The following SORCS1 variants were observed in gnomAD, a reference collection of about 807,000 sequenced individuals.
SORCS1 encodes the protein sortilin related VPS10 domain containing receptor 1, also known as VPS10 domain-containing receptor SorCS1.
A neutral mutation model predicts 146.1 loss-of-function variants in SORCS1; 60 were observed. That is an observed-to-expected ratio of 0.41 (90% CI 0.33 to 0.51). The LOEUF (loss-of-function observed/expected upper bound fraction) is 0.51, where lower values mean the gene tolerates loss of function less well. Ranked by LOEUF, SORCS1 falls within the 20% of genes least tolerant of loss-of-function variation. The pLI is 0.21. For synonymous variants in SORCS1, 637 were observed against 584.0 expected (o/e 1.09, Z -1.31); for missense variants, 1,352 against 1,487.6 (o/e 0.91, Z 1.50).
chr10:106,784,279 C>T (rs975987688), intron 3 of SORCS1, among the ~76,000 whole-genome samples: 1 of 151,772 alleles, frequency 6.6e-6, no homozygotes, highest in Non-Finnish European at 1.5e-5. Flanking sequence ...CCTGTAGTCT[C>T]AGCTACTCAG....
intron 2 of SORCS1, among the ~76,000 whole-genome samples, chr10:106,896,243 A>C (rs987307936): frequency 6.6e-6 from 1 of 152,050 alleles, no homozygotes; most frequent in Non-Finnish European, 1.5e-5. Context: ...AGCCTGACCA[A>C]CATGGTGAAA....
chr10:106,794,205 A>G (rs1589891608), intron 3 of SORCS1, among the ~76,000 whole-genome samples: 1 of 152,166 alleles, frequency 6.6e-6, no homozygotes, highest in African/African-American at 2.4e-5. Flanking sequence ...GCCATACTCT[A>G]CAACAACTCT....
upstream of SORCS1, among the ~76,000 whole-genome samples, chr10:107,164,724 A>T (rs1969985141): frequency 6.8e-6 from 1 of 146,626 alleles, no homozygotes; most frequent in Admixed American, 6.7e-5. The surrounding 1 kb of genome is among the most constrained non-coding windows in gnomAD (Gnocchi z 6.8). Context: ...GCGGGTCCGG[A>T]CGGAGCGAGC....
intron 2 of SORCS1, among the ~76,000 whole-genome samples, chr10:106,834,992 G>T (rs2152677): frequency 6.6e-6 from 1 of 151,996 alleles, no homozygotes; most frequent in Non-Finnish European, 1.5e-5. Context: ...CTTACACTAC[G>T]TTTTTACAAA....
chr10:106,911,548 T>C (rs1451041140), intron 2 of SORCS1, among the ~76,000 whole-genome samples: 1 of 152,112 alleles, frequency 6.6e-6, no homozygotes, highest in Non-Finnish European at 1.5e-5. Flanking sequence ...GAACTCAGTA[T>C]TGGGCAGCGT....
In SORCS1 at chr10:106,968,670, G is replaced by C. The variant is rs529890951; in HGVS notation, c.559-12090C>G. Among the ~76,000 whole-genome samples the C allele has an allele frequency of 5.3e-5, 8 of 152,272 alleles. No individual in the cohort carries two copies. In the East Asian group the frequency reaches 1.5e-3, roughly 29 times the overall value. On this transcript the variant is annotated intron_variant, in intron 1 of 25. Coordinates refer to ENST00000263054, the MANE Select transcript of SORCS1 (RefSeq NM_052918.5). ...GCAGGAAGCCAATAAATAATGCTATGCATATTACTGTGTTCCAAGTGTCAG... is the reference window on the plus strand; with the variant it reads ...GCAGGAAGCCAATAAATAATGCTATCCATATTACTGTGTTCCAAGTGTCAG...
At chr10:106,621,932 C>T (rs1408496172) in intron 19 of SORCS1, among the ~76,000 whole-genome samples, 1 of 152,094 alleles carries the variant, frequency 6.6e-6, no homozygotes, top group Non-Finnish European at 1.5e-5. Flanking sequence ...ATGGCTGCAA[C>T]AGTAATTTTT....
Position 106,995,977 on chromosome 10 carries a change from G to A in SORCS1, c.559-39397C>T, listed in dbSNP as rs545015646. Among the ~76,000 whole-genome samples the A allele has an allele frequency of 1.7e-4, 26 of 151,996 alleles. 1 individual carries two copies. In the South Asian group the frequency reaches 3.7e-3, roughly 22 times the overall value. On this transcript the variant is annotated intron_variant, in intron 1 of 25. Transcript: ENST00000263054. ...GGTGCGGTGGCTCACACCTGTAATCGCAGCACTTTGGGAGGCCGAAGCGGG... is the reference window on the plus strand; with the variant it reads ...GGTGCGGTGGCTCACACCTGTAATCACAGCACTTTGGGAGGCCGAAGCGGG...
intron 3 of SORCS1, among the ~76,000 whole-genome samples, chr10:106,801,966 C>T (rs969145883): frequency 6.6e-6 from 1 of 152,188 alleles, no homozygotes; most frequent in African/African-American, 2.4e-5. Flanking sequence ...CGTTTTCATC[C>T]ATTATGCTAT....
intron 23 of SORCS1, among the ~76,000 whole-genome samples, chr10:106,606,232 G>A (rs1391076831): frequency 1.3e-5 from 2 of 151,144 alleles, no homozygotes; most frequent in Middle Eastern, 3.4e-3. Context: ...GAAGACTAAA[G>A]GGGAAAAGAG....
intron 1 of SORCS1, among the ~76,000 whole-genome samples, chr10:107,152,363 G>C (rs1486933513): frequency 6.6e-6 from 1 of 152,196 alleles, no homozygotes; most frequent in Non-Finnish European, 1.5e-5. Flanking sequence ...TCCCCATGGG[G>C]CACTGTCTAG....
chr10:106,875,775 G>A (rs1950569550), intron 2 of SORCS1, among the ~76,000 whole-genome samples: 1 of 152,008 alleles, frequency 6.6e-6, no homozygotes, highest in Non-Finnish European at 1.5e-5. Flanking sequence ...GTCTGTTCAT[G>A]TCATTTGCCC....
At chr10:106,972,069 A>G (rs1397953820) in intron 1 of SORCS1, among the ~76,000 whole-genome samples, 2 of 152,042 alleles carry the variant, frequency 1.3e-5, no homozygotes, top group African/African-American at 4.8e-5. Flanking sequence ...GGACTGATAA[A>G]ATTAGAAATC....
intron 2 of SORCS1, among the ~76,000 whole-genome samples, chr10:106,857,797 G>T (rs749502239): frequency 6.6e-6 from 1 of 152,106 alleles, no homozygotes; most frequent in Non-Finnish European, 1.5e-5. Flanking sequence ...ACAGTCACTG[G>T]ATTCCACTAG....
intron 1 of SORCS1, among the ~76,000 whole-genome samples, chr10:107,155,799 G>C (rs1309112326): frequency 6.6e-6 from 1 of 152,064 alleles, no homozygotes; most frequent in Non-Finnish European, 1.5e-5. Context: ...ATGACTAGAG[G>C]CGTCAATCTA....
upstream of SORCS1, among the ~76,000 whole-genome samples, chr10:107,165,046 C>T (rs1970004950): frequency 6.6e-6 from 1 of 151,882 alleles, no homozygotes; most frequent in Non-Finnish European, 1.5e-5. The surrounding 1 kb of genome is among the most constrained non-coding windows in gnomAD (Gnocchi z 4.0). Context: ...GTCGATGTGT[C>T]GGGAGCTTCC....
At chr10:106,698,501 G>A (rs1463660063) in intron 9 of SORCS1, among the ~76,000 whole-genome samples, 1 of 152,154 alleles carries the variant, frequency 6.6e-6, no homozygotes, top group Non-Finnish European at 1.5e-5. Context: ...CCATGCCAAA[G>A]CAGCAGTTTT....
chr10:106,841,487 C>T (rs1302891365), intron 2 of SORCS1, among the ~76,000 whole-genome samples: 1 of 151,972 alleles, frequency 6.6e-6, no homozygotes, highest in Non-Finnish European at 1.5e-5. Flanking sequence ...TACACACACA[C>T]ACACACACAC....
chr10:106,914,887 T>A (rs531738988), intron 2 of SORCS1, among the ~76,000 whole-genome samples: 3 of 152,284 alleles, frequency 2.0e-5, no homozygotes, highest in Admixed American at 2.0e-4. Context: ...TCAACATTGA[T>A]CTTGGATTTA....
Sources: allele counts gnomAD v4.1 joint callset (sites outside exome capture counted in the v4.1 genomes callset), GRCh38; gene constraint gnomAD v4.1.1; non-coding constraint Gnocchi (gnomAD v3.1); transcripts MANE v1.5; gene names NCBI Gene and HGNC (gene_info 2026-07-23, HGNC 2026-07-21).